Variants in RNF19B observed in about 807,000 individuals in gnomAD.
The protein encoded by RNF19B is E3 ubiquitin-protein ligase RNF19B.
A neutral mutation model predicts 65.5 loss-of-function variants in RNF19B; 23 were observed. That is an observed-to-expected ratio of 0.35 (90% CI 0.25 to 0.50). The LOEUF is 0.50. RNF19B is among the 20% of genes least tolerant of loss of function. The pLI, the probability that RNF19B is intolerant of heterozygous loss-of-function variation, is 0.98. For synonymous variants in RNF19B, 372 were observed against 379.6 expected, an observed-to-expected ratio of 0.98 and a Z score of 0.23; for missense variants, 794 against 980.0, an observed-to-expected ratio of 0.81 and a Z score of 2.53.
At chr1:32,938,304 A>T in intron 8 of RNF19B, 93 bp downstream of exon 8, 1 of 1,312,476 alleles carries the variant, frequency 7.6e-7, no homozygotes, top group Non-Finnish European at 1.1e-6. Context: ...AGGAGATGGT[A>T]CATACAGCCC....
chr1:32,957,649 C>T (rs1283118192), intron 1 of RNF19B, among the ~76,000 whole-genome samples: 3 of 152,168 alleles, frequency 2.0e-5, no homozygotes, highest in Admixed American at 6.5e-5. Context: ...GCCTGGCCAA[C>T]ATGGTGAAAC....
chr1:32,932,998 G>C (rs1203910697), downstream of RNF19B, among the ~76,000 whole-genome samples: 1 of 152,104 alleles, frequency 6.6e-6, no homozygotes, highest in Non-Finnish European at 1.5e-5. Context: ...CCTTATCAAG[G>C]AGGACCAACC....
At chr1:32,939,941 C>T (rs1406077173) in intron 7 of RNF19B, among the ~76,000 whole-genome samples, 2 of 152,148 alleles carry the variant, frequency 1.3e-5, no homozygotes, top group Non-Finnish European at 2.9e-5. Context: ...CATGTGGGGG[C>T]GGGATCCCCT....
rs770763845 is a variant in RNF19B, at chr1:32,964,699, C to A, written c.-14G>T. The A allele has an allele frequency of 6.9e-7, 1 of 1,449,286 alleles. No homozygotes were observed. The highest frequency in any genetic ancestry group is 9.0e-7 in the Non-Finnish European group (1 of 1,105,104). The allele number at this position is 1,449,286 out of a possible 1,614,324, so 89.8% of individuals were successfully genotyped here. On this transcript the variant is annotated 5_prime_UTR_variant, in exon 1 of 9. Coordinates refer to ENST00000235150, the MANE Select transcript of RNF19B (RefSeq NM_001300826.2). The surrounding 1 kb of genome is among the most constrained non-coding windows in gnomAD (Gnocchi z 6.5). ...CTCGGAGCCCATGGCCGGCAGAGGC[C>A]GAGGAGCCAGGGGCGCCCAGCGCCG...
chr1:32,952,260 G>A (rs991166839), intron 1 of RNF19B, among the ~76,000 whole-genome samples: 2 of 151,372 alleles, frequency 1.3e-5, no homozygotes, highest in Non-Finnish European at 2.9e-5. Context: ...TGTCAATTAA[G>A]CGCTCAGATT....
chr1:32,954,308 C>T (rs1642582777), intron 1 of RNF19B, among the ~76,000 whole-genome samples: 1 of 151,696 alleles, frequency 6.6e-6, no homozygotes. Flanking sequence ...AAAATAACCC[C>T]AAATTACTCA....
At chr1:32,960,124 ATATTTGAG>A (rs1294606977) in intron 1 of RNF19B, among the ~76,000 whole-genome samples, 4 of 152,256 alleles carry the variant, frequency 2.6e-5, no homozygotes, top group Non-Finnish European at 5.9e-5. Flanking sequence ...AAATAAAACC[ATATTTGAG>A]TGTAAGAGAA....
chr1:32,932,602 T>C (rs2124092048), downstream of RNF19B, among the ~76,000 whole-genome samples: 1 of 152,344 alleles, frequency 6.6e-6, no homozygotes, highest in East Asian at 1.9e-4. Context: ...CTTCTTCACA[T>C]TGGCCTGTCC....
At chr1:32,951,943 C>T (rs551653328) in intron 1 of RNF19B, among the ~76,000 whole-genome samples, 6 of 150,552 alleles carry the variant, frequency 4.0e-5, no homozygotes, top group African/African-American at 9.8e-5. Flanking sequence ...TACAGGCGCC[C>T]GCCACCACGC....
At chr1:32,954,155 T>G (rs194653) in intron 1 of RNF19B, among the ~76,000 whole-genome samples, 28,388 of 150,942 alleles carry the variant, frequency 0.19, 3,417 homozygotes, top group East Asian at 0.33. Flanking sequence ...CAAGTGATCC[T>G]CCTGCCTCAG....
Position 32,937,209 on chromosome 1 carries a change from T to G in RNF19B, c.1793A>C (p.His598Pro), listed in dbSNP as rs1642127849. The change falls in exon 9 of 9, where the codon CAC (histidine) becomes CCC (proline). Residue 598 changes from histidine (H) to proline (P), a missense_variant. Physicochemically the swap from His to Pro is moderately conservative, Grantham distance 77 (BLOSUM62 -2). This residue lies in a region of RNF19B where 368 missense variants were observed against 447.3 expected (regional missense o/e 0.82). Transcript: ENST00000235150. ...GCTGCTTCCACTCACCAGCTGATAG[T>G]GGCTTGGTTTGGCTTCAATGTCCAC... is the stretch of plus-strand genomic sequence containing the variant. ...IQVDIEAKPS[H>P]YQLVSGSSTE... is the part of the protein sequence containing the mutation. 1 of 1,614,136 alleles carries G rather than the reference T, an allele frequency of 6.2e-7. No homozygotes were observed. Among genetic ancestry groups the G allele is most frequent in the Non-Finnish European group, 8.5e-7 (1 of 1,180,022 alleles).
At chr1:32,947,295 C>T (rs1322262598) in intron 3 of RNF19B, among the ~76,000 whole-genome samples, 1 of 152,194 alleles carries the variant, frequency 6.6e-6, no homozygotes, top group Non-Finnish European at 1.5e-5. Context: ...AATATTAACA[C>T]ATTTTGTTTA....
chr1:32,938,279 T>A, intron 8 of RNF19B, 118 bp downstream of exon 8: 1 of 1,080,004 alleles, frequency 9.3e-7, no homozygotes, highest in Non-Finnish European at 1.4e-6. Flanking sequence ...ATTCACAGGT[T>A]ACACTATATA....
intron 1 of RNF19B, among the ~76,000 whole-genome samples, chr1:32,958,949 T>C (rs1224224437): frequency 6.6e-6 from 1 of 151,596 alleles, no homozygotes; most frequent in Non-Finnish European, 1.5e-5. Context: ...GAGGGGGTGG[T>C]GTGGAGTTGG....
intron 1 of RNF19B, among the ~76,000 whole-genome samples, chr1:32,956,813 T>A (rs945508274): frequency 2.0e-5 from 3 of 152,192 alleles, no homozygotes; most frequent in Non-Finnish European, 2.9e-5. Flanking sequence ...TGTTCCTATA[T>A]TATGTCTGTA....
In RNF19B at chr1:32,936,901, G is replaced by A; in HGVS notation, c.2101C>T (p.Gln701Ter). 1 of 1,614,054 alleles carries A rather than the reference G, an allele frequency of 6.2e-7. No individual in the cohort carries two copies. The highest frequency in any genetic ancestry group is 1.1e-5 in the South Asian group (1 of 91,052). The change falls in exon 9 of 9, where the codon CAA becomes TAA. Residue 701 changes from glutamine to a stop codon, truncating the protein, a stop_gained. Coordinates refer to ENST00000235150, the MANE Select transcript of RNF19B (RefSeq NM_001300826.2). LOFTEE classifies it high-confidence loss of function. Reference protein sequence around the residue: ...TAACPSTPRAQGAPSPSAHMN... With the variant: ...TAACPSTPRA ...TGGGCACTTGGGCTCGGTGCACCTTGGGCTCTGGGGGTCGAGGGGCAGGCT... is the reference window on the plus strand; with the variant it reads ...TGGGCACTTGGGCTCGGTGCACCTTAGGCTCTGGGGGTCGAGGGGCAGGCT...
intron 1 of RNF19B, among the ~76,000 whole-genome samples, chr1:32,962,181 C>A (rs1366272252): frequency 6.6e-6 from 1 of 152,164 alleles, no homozygotes; most frequent in Admixed American, 6.5e-5. Flanking sequence ...GTTGGCCAGG[C>A]TGGTCTTGAG....
chr1:32,954,745 A>C (rs956137787), intron 1 of RNF19B, among the ~76,000 whole-genome samples: 2 of 151,810 alleles, frequency 1.3e-5, no homozygotes, highest in African/African-American at 4.8e-5. Context: ...TCTCAAAAAA[A>C]AAAAAAAACA....
intron 3 of RNF19B, among the ~76,000 whole-genome samples, chr1:32,946,879 G>A (rs958698788): frequency 2.0e-5 from 3 of 152,178 alleles, no homozygotes; most frequent in African/African-American, 4.8e-5. Context: ...TACTTGGGAT[G>A]CTGCATAGCC....
Sources: allele counts gnomAD v4.1 joint callset (sites outside exome capture counted in the v4.1 genomes callset), GRCh38; gene constraint gnomAD v4.1.1; regional missense constraint gnomAD v4.1.1; non-coding constraint Gnocchi (gnomAD v3.1); transcripts MANE v1.5; gene names NCBI Gene and HGNC (gene_info 2026-07-23, HGNC 2026-07-21).